The following EIPR1 variants were observed in gnomAD, a reference collection of about 807,000 sequenced individuals.
The protein encoded by EIPR1 is EARP complex and GARP complex interacting protein 1.
Under a neutral mutation model 48.1 loss-of-function variants are expected in EIPR1, and 25 were observed. That is an observed-to-expected ratio of 0.52 (90% CI 0.38 to 0.73). The LOEUF (loss-of-function observed/expected upper bound fraction) is 0.73, where lower values mean the gene tolerates loss of function less well. Among genes scored for constraint, EIPR1 ranks in the 30% least tolerant of loss-of-function variants. The pLI is 0.00. For missense variants in EIPR1, 415 were observed against 506.2 expected (o/e 0.82, Z 1.73); for synonymous variants, 204 against 201.9 (o/e 1.01, Z -0.09).
chr2:3,327,123 G>A (rs923335918), intron 3 of EIPR1, among the ~76,000 whole-genome samples: 1 of 152,222 alleles, frequency 6.6e-6, no homozygotes, highest in Non-Finnish European at 1.5e-5. Flanking sequence ...GTGGGACCCC[G>A]GGGAGCTAGG....
chr2:3,208,103 G>A (rs964169523), intron 5 of EIPR1: 4 of 163,136 alleles, frequency 2.5e-5, no homozygotes, highest in African/African-American at 4.8e-5. Context: ...AGTCTTACAA[G>A]GAAATCAGTT....
At chr2:3,375,770 A>G (rs1022262289) in intron 1 of EIPR1, among the ~76,000 whole-genome samples, 6 of 152,234 alleles carry the variant, frequency 3.9e-5, no homozygotes, top group African/African-American at 1.4e-4. Flanking sequence ...TAAAACAGGA[A>G]CAATAACACC....
chr2:3,256,173 G>A (rs1667148886), intron 4 of EIPR1, among the ~76,000 whole-genome samples: 1 of 152,214 alleles, frequency 6.6e-6, no homozygotes, highest in Non-Finnish European at 1.5e-5. Context: ...AGCATCCGGA[G>A]CCACAGACTG....
chr2:3,316,070 TCCTCACCACCATCCCCATACACACCCCC>T (rs747378912), intron 3 of EIPR1, among the ~76,000 whole-genome samples: 1 of 7,518 alleles, frequency 1.3e-4, no homozygotes, highest in Non-Finnish European at 2.5e-4. Flanking sequence ...CCCACCACCA[TCCTCACCACCATCCCCATACACACCCCC>T]ACCACCATCC....
At chr2:3,199,037 C>G (rs973227635) in intron 5 of EIPR1, among the ~76,000 whole-genome samples, 9 of 126,462 alleles carry the variant, frequency 7.1e-5, no homozygotes, top group Non-Finnish European at 1.2e-4. Context: ...ATGGCAGACA[C>G]CCCCAGAGTG....
At chr2:3,350,312 G>A (rs34829589) in intron 2 of EIPR1, among the ~76,000 whole-genome samples, 10,745 of 151,948 alleles carry the variant, frequency 0.071, 410 homozygotes, top group African/African-American at 0.09. Context: ...GAGCATGAAG[G>A]GGGATGTGCC....
chr2:3,304,546 A>T (rs1375134656), intron 3 of EIPR1, among the ~76,000 whole-genome samples: 413 of 6,010 alleles, frequency 0.069, 197 homozygotes, highest in African/African-American at 0.084. Flanking sequence ...AATCCCATCC[A>T]GTTCAACCTT....
chr2:3,268,057 G>A (rs1168557423), intron 3 of EIPR1, among the ~76,000 whole-genome samples: 2 of 152,210 alleles, frequency 1.3e-5, no homozygotes, highest in Non-Finnish European at 2.9e-5. Context: ...CCATGGTCCT[G>A]GAGTGGTTGT....
chr2:3,295,266 C>CCA (rs1558280149), intron 3 of EIPR1, among the ~76,000 whole-genome samples: 4 of 103,118 alleles, frequency 3.9e-5, no homozygotes, highest in Non-Finnish European at 4.0e-5. Flanking sequence ...CGTCCTCTCT[C>CCA]CACACACACC....
At position 3,324,185 on chromosome 2, in the gene EIPR1, G is replaced by C. The variant is rs959347759; in HGVS notation, c.259+13832C>G. 2.0e-5 allele frequency among the ~76,000 whole-genome samples: 3 copies of C among 152,324 alleles called. No homozygotes were observed. In the South Asian group the frequency reaches 6.2e-4, roughly 32 times the overall value. On this transcript the variant is annotated intron_variant, in intron 3 of 8. Coordinates refer to ENST00000382125, the MANE Select transcript of EIPR1 (RefSeq NM_003310.5). ...CAGAGACAGGAGCACCTCCTCCCCA[G>C]GCACTGCACGAGCGACATGTGGCAC...
chr2:3,376,574 C>T (rs1659891449), intron 1 of EIPR1, among the ~76,000 whole-genome samples: 1 of 151,830 alleles, frequency 6.6e-6, no homozygotes. Context: ...GCCTGTAATC[C>T]CAGCTACTTG....
At chr2:3,298,308 G>A (rs1173721449) in intron 3 of EIPR1, 4 of 152,016 alleles carry the variant, frequency 2.6e-5, no homozygotes, top group East Asian at 1.9e-4. Context: ...AAATGGGTTC[G>A]GTAGCTTTAA....
intron 3 of EIPR1, among the ~76,000 whole-genome samples, chr2:3,292,858 G>GAAA (rs57175137): frequency 7.5e-5 from 9 of 120,724 alleles, no homozygotes; most frequent in African/African-American, 2.7e-4. Flanking sequence ...AAAATGTTTT[G>GAAA]AAAAAAAAAA....
chr2:3,266,152 T>C (rs1667479039), intron 3 of EIPR1, among the ~76,000 whole-genome samples: 1 of 152,230 alleles, frequency 6.6e-6, no homozygotes, highest in Admixed American at 6.5e-5. Flanking sequence ...TCAGAGCCTT[T>C]GTGAGCATGA....
rs1377049165 is a variant in EIPR1 at position 3,373,584 on chromosome 2, A to G, written c.42+4064T>C. ...TCACAAGCATTCTTATACACCAATA[A>G]CAGACAAACAGAGAGCCAAATCATA... On this transcript the variant is annotated intron_variant, in intron 1 of 8. Transcript: ENST00000382125. Among the ~76,000 whole-genome samples, 13 of 152,228 alleles carry G rather than the reference A, an allele frequency of 8.5e-5. No individual in the cohort carries two copies. The South Asian group carries it at 2.7e-3, about 32-fold the overall frequency.
chr2:3,258,195 G>T (rs1270322732), intron 3 of EIPR1, among the ~76,000 whole-genome samples: 1 of 152,214 alleles, frequency 6.6e-6, no homozygotes, highest in Admixed American at 6.5e-5. Flanking sequence ...AAGCCACTTT[G>T]TGGATAGAGA....
At chr2:3,311,225 C>G (rs1385267541) in intron 3 of EIPR1, among the ~76,000 whole-genome samples, 3 of 152,142 alleles carry the variant, frequency 2.0e-5, no homozygotes, top group Non-Finnish European at 2.9e-5. Context: ...ATTTGATAGA[C>G]CAGAAAAAGC....
chr2:3,209,142 G>T (rs1320507051), intron 5 of EIPR1, among the ~76,000 whole-genome samples: 10 of 152,192 alleles, frequency 6.6e-5, no homozygotes, highest in Non-Finnish European at 1.2e-4. Context: ...ACAACAGAGG[G>T]TGATTTGAAA....
intron 3 of EIPR1, among the ~76,000 whole-genome samples, chr2:3,267,203 C>T (rs774330157): frequency 1.4e-4 from 21 of 152,226 alleles, no homozygotes; most frequent in Non-Finnish European, 2.8e-4. Context: ...AATAGGCAGA[C>T]CTAGCACTGG....
Sources: gnomAD v4.1 joint callset for allele counts (sites outside exome capture counted in the v4.1 genomes callset) on GRCh38, gnomAD v4.1.1 for gene constraint, MANE v1.5 for transcripts, NCBI Gene and HGNC (gene_info 2026-07-23, HGNC 2026-07-21) for gene names.